The following MIS18A variants were observed in gnomAD, a reference collection of about 807,000 sequenced individuals.
The protein encoded by MIS18A is protein Mis18-alpha.
MIS18A carries 14 observed loss-of-function variants against 25.0 expected under a neutral mutation model. The observed-to-expected ratio is 0.56, with a 90% CI of 0.37 to 0.88. The LOEUF (loss-of-function observed/expected upper bound fraction) is 0.88, where lower values mean the gene tolerates loss of function less well. Among genes scored for constraint, MIS18A ranks in the 40% least tolerant of loss-of-function variants. MIS18A has a pLI of 0.00. For missense variants in MIS18A, 292 were observed against 290.8 expected (o/e 1.00, Z -0.03); for synonymous variants, 134 against 118.6 (o/e 1.13, Z -0.84).
At chr21:32,204,272 G>T in the MIS18A span, among the ~76,000 whole-genome samples, 1 of 152,080 alleles carries the variant, frequency 6.6e-6, no homozygotes, top group Admixed American at 6.5e-5. Flanking sequence ...GCTGAGGTGG[G>T]TGGATCATGA....
chr21:32,270,337 T>TAAG, intron 3 of MIS18A, 70 bp downstream of exon 3: 1 of 1,558,130 alleles, frequency 6.4e-7, no homozygotes, highest in Non-Finnish European at 8.8e-7. Context: ...ATTGATTTAG[T>TAAG]TCTGACAATT....
the MIS18A span, among the ~76,000 whole-genome samples, chr21:32,196,019 TA>T: frequency 1.8e-3 from 264 of 143,762 alleles, no homozygotes; most frequent in Admixed American, 1.7e-3. Flanking sequence ...GACTCCATCT[TA>T]AAAAAAAAAA....
the MIS18A span, among the ~76,000 whole-genome samples, chr21:32,199,738 G>A: frequency 6.6e-6 from 1 of 152,128 alleles, no homozygotes; most frequent in Non-Finnish European, 1.5e-5. Flanking sequence ...AATCCAGGAG[G>A]CGGAGGTTGC....
chr21:32,192,060 G>A, the MIS18A span, among the ~76,000 whole-genome samples: 14 of 152,200 alleles, frequency 9.2e-5, no homozygotes, highest in Non-Finnish European at 1.8e-4. Flanking sequence ...TTGGAAGGAA[G>A]GGAAGATATC....
the MIS18A span, among the ~76,000 whole-genome samples, chr21:32,198,174 A>T: frequency 6.6e-6 from 1 of 152,204 alleles, no homozygotes; most frequent in African/African-American, 2.4e-5. Context: ...TGTATTTAGG[A>T]GGGTGTGCAC....
the MIS18A span, among the ~76,000 whole-genome samples, chr21:32,261,888 A>C: frequency 2.6e-5 from 4 of 152,350 alleles, no homozygotes; most frequent in African/African-American, 9.6e-5. Flanking sequence ...CAGGGAAAGG[A>C]ACTCATGCTG....
chr21:32,177,785 TAGTA>T, the MIS18A span, among the ~76,000 whole-genome samples: 3 of 152,150 alleles, frequency 2.0e-5, no homozygotes, highest in Non-Finnish European at 4.4e-5. Context: ...TAGTAATTAT[TAGTA>T]AGTAAAGAGA....
chr21:32,253,391 C>T, the MIS18A span, among the ~76,000 whole-genome samples: 1 of 129,934 alleles, frequency 7.7e-6, no homozygotes. Context: ...TAATCGCCCT[C>T]CCCCCACCCC....
chr21:32,261,522 T>G, the MIS18A span: 3 of 152,198 alleles, frequency 2.0e-5, no homozygotes, highest in South Asian at 6.2e-4. Flanking sequence ...AAGATGTGAG[T>G]AAACAGATGC....
At chr21:32,274,648 T>C (rs1336919947) in intron 2 of MIS18A, among the ~76,000 whole-genome samples, 182 bp downstream of exon 2, 1 of 152,186 alleles carries the variant, frequency 6.6e-6, no homozygotes, top group African/African-American at 2.4e-5. Context: ...AGAACTAACA[T>C]ATTCCTTTCT....
the MIS18A span, among the ~76,000 whole-genome samples, chr21:32,249,231 G>A: frequency 1.3e-3 from 195 of 152,286 alleles, no homozygotes; most frequent in Non-Finnish European, 2.5e-3. Flanking sequence ...AGAGCAATGC[G>A]TTATTCTCTG....
At chr21:32,204,205 G>GA in the MIS18A span, among the ~76,000 whole-genome samples, 1 of 151,874 alleles carries the variant, frequency 6.6e-6, no homozygotes, top group Non-Finnish European at 1.5e-5. Flanking sequence ...TGAAGCAAAT[G>GA]AAAAAAAGGA....
chr21:32,274,202 T>C (rs2031766751), intron 2 of MIS18A, among the ~76,000 whole-genome samples: 3 of 131,274 alleles, frequency 2.3e-5, no homozygotes, highest in Admixed American at 7.5e-5. Flanking sequence ...TTCTTCTTTT[T>C]TTTTTTTTTT....
the MIS18A span, among the ~76,000 whole-genome samples, chr21:32,219,884 C>T: frequency 1.3e-5 from 2 of 152,172 alleles, no homozygotes; most frequent in Admixed American, 6.5e-5. Context: ...GCAGAGCCCA[C>T]CACAGCACGG....
At chr21:32,168,658 C>A in the MIS18A span, among the ~76,000 whole-genome samples, 3 of 151,932 alleles carry the variant, frequency 2.0e-5, no homozygotes, top group Non-Finnish European at 2.9e-5. Flanking sequence ...CTGGGAAGGG[C>A]AAAGGTACTA....
the MIS18A span, among the ~76,000 whole-genome samples, chr21:32,187,834 T>C: frequency 6.6e-6 from 1 of 152,194 alleles, no homozygotes; most frequent in Non-Finnish European, 1.5e-5. Flanking sequence ...GCTGGCATTA[T>C]GGACTGAATG....
downstream of MIS18A, among the ~76,000 whole-genome samples, chr21:32,266,706 A>T (rs2031613000): frequency 6.6e-6 from 1 of 151,772 alleles, no homozygotes; most frequent in Non-Finnish European, 1.5e-5. Context: ...GAACATCAGA[A>T]GGGACAGACT....
the MIS18A span, among the ~76,000 whole-genome samples, chr21:32,262,577 C>T: frequency 6.6e-6 from 1 of 152,148 alleles, no homozygotes; most frequent in Non-Finnish European, 1.5e-5. Context: ...ACAGTTGGTT[C>T]ATGGTCTCAC....
chr21:32,240,624 C>A, the MIS18A span, among the ~76,000 whole-genome samples: 1 of 152,180 alleles, frequency 6.6e-6, no homozygotes, highest in Non-Finnish European at 1.5e-5. Context: ...TAATAGCACA[C>A]AAAAATGTTG....
Sources: gnomAD v4.1 joint callset for allele counts (sites outside exome capture counted in the v4.1 genomes callset) on GRCh38, gnomAD v4.1.1 for gene constraint, MANE v1.5 for transcripts, NCBI Gene and HGNC (gene_info 2026-07-23, HGNC 2026-07-21) for gene names.